Variants in GLIS3 observed in about 807,000 individuals in gnomAD.
GLIS3 encodes the protein GLIS family zinc finger 3, also known as zinc finger protein GLIS3.
In GLIS3, 53 loss-of-function variants were observed where a neutral mutation model predicts 78.6. The observed-to-expected ratio is 0.67, with a 90% CI of 0.54 to 0.85. The LOEUF (loss-of-function observed/expected upper bound fraction) is 0.85, where lower values mean the gene tolerates loss of function less well. Among genes scored for constraint, GLIS3 ranks in the 40% least tolerant of loss-of-function variants. The pLI is 0.00. For missense variants in GLIS3, 1,703 were observed against 1,231.1 expected, an observed-to-expected ratio of 1.38 and a Z score of -5.74; for synonymous variants, 684 against 509.9, an observed-to-expected ratio of 1.34 and a Z score of -4.60.
intron 2 of GLIS3, among the ~76,000 whole-genome samples, chr9:4,196,412 T>C (rs892259165): frequency 5.3e-5 from 8 of 152,228 alleles, no homozygotes; most frequent in African/African-American, 1.4e-4. Context: ...CTTTCCGCAC[T>C]GTGGAAGCTT....
intron 2 of GLIS3, among the ~76,000 whole-genome samples, chr9:4,202,149 T>TC (rs1563747633): frequency 8.0e-4 from 29 of 36,102 alleles, no homozygotes; most frequent in Middle Eastern, 0.021. Flanking sequence ...TCTCCCCCTT[T>TC]TTCTTTTTTT....
At chr9:4,478,590 G>A in the GLIS3 span, among the ~76,000 whole-genome samples, 3 of 149,516 alleles carry the variant, frequency 2.0e-5, no homozygotes, top group Non-Finnish European at 4.4e-5. Context: ...CAGCCTGGGC[G>A]ACAGAGATTC....
At chr9:4,292,398 G>C (rs188933281) in intron 1 of GLIS3, among the ~76,000 whole-genome samples, 7 of 152,210 alleles carry the variant, frequency 4.6e-5, no homozygotes, top group Admixed American at 4.6e-4. Flanking sequence ...ATATATTGTA[G>C]GGTGAGTCAC....
At chr9:4,051,502 A>G (rs935909564) in intron 4 of GLIS3, among the ~76,000 whole-genome samples, 44 of 152,142 alleles carry the variant, frequency 2.9e-4, no homozygotes, top group Non-Finnish European at 1.5e-4. Context: ...TCCACCTCCT[A>G]ATAACTATGT....
chr9:4,057,914 AC>A (rs1330035754), intron 4 of GLIS3, among the ~76,000 whole-genome samples: 1 of 152,198 alleles, frequency 6.6e-6, no homozygotes, highest in Non-Finnish European at 1.5e-5. Context: ...ATGTAAAAAA[AC>A]AAAAAGCCCA....
intron 2 of GLIS3, among the ~76,000 whole-genome samples, chr9:4,238,390 TGA>T (rs1252420747): frequency 2.0e-5 from 3 of 152,212 alleles, no homozygotes; most frequent in Non-Finnish European, 4.4e-5. Flanking sequence ...TATTTGAGAA[TGA>T]GAGAGTCTAC....
the GLIS3 span, among the ~76,000 whole-genome samples, chr9:4,429,164 GAT>G: frequency 6.6e-6 from 1 of 152,216 alleles, no homozygotes; most frequent in African/African-American, 2.4e-5. Context: ...CCTCACTCCA[GAT>G]AGAGTTACCT....
intron 2 of GLIS3, among the ~76,000 whole-genome samples, chr9:4,169,796 G>C (rs1320752989): frequency 6.6e-6 from 1 of 152,174 alleles, no homozygotes; most frequent in Non-Finnish European, 1.5e-5. Context: ...TGGGAAATCT[G>C]GGTAAAGAGT....
At chr9:4,166,864 T>C (rs1454409366) in intron 2 of GLIS3, among the ~76,000 whole-genome samples, 1 of 152,198 alleles carries the variant, frequency 6.6e-6, no homozygotes, top group African/African-American at 2.4e-5. Context: ...CTTCCTCCTC[T>C]TTCCTCTTCC....
chr9:4,135,777 C>T (rs905842299), intron 2 of GLIS3, among the ~76,000 whole-genome samples: 18 of 152,164 alleles, frequency 1.2e-4, no homozygotes. Context: ...AAGTACCCTT[C>T]TCTCCCATCT....
chr9:4,274,086 C>T (rs73643724), intron 2 of GLIS3, among the ~76,000 whole-genome samples: 3,905 of 152,210 alleles, frequency 0.026, 177 homozygotes, highest in African/African-American at 0.089. Flanking sequence ...TTATCCCCCA[C>T]CTTCCAGATG....
the GLIS3 span, among the ~76,000 whole-genome samples, chr9:4,382,513 T>C: frequency 6.6e-6 from 1 of 152,196 alleles, no homozygotes; most frequent in South Asian, 2.1e-4. Flanking sequence ...TCATCTTGCT[T>C]AGTCTGAATT....
chr9:4,480,452 T>C, the GLIS3 span, among the ~76,000 whole-genome samples: 1 of 152,106 alleles, frequency 6.6e-6, no homozygotes, highest in Middle Eastern at 3.2e-3. Flanking sequence ...CCTCCCTTTA[T>C]GGCCTCGCAA....
chr9:3,837,631 A>T (rs1196755246), intron 9 of GLIS3, among the ~76,000 whole-genome samples: 1 of 152,208 alleles, frequency 6.6e-6, no homozygotes, highest in Non-Finnish European at 1.5e-5. Flanking sequence ...ACACGGAGGG[A>T]ATTTCAATTT....
intron 4 of GLIS3, among the ~76,000 whole-genome samples, chr9:4,053,126 T>C (rs997768672): frequency 8.5e-5 from 13 of 152,162 alleles, no homozygotes; most frequent in African/African-American, 3.1e-4. Context: ...TTTTGTATTT[T>C]TTGGTAGAGA....
At chr9:4,169,709 C>G (rs1158657261) in intron 2 of GLIS3, among the ~76,000 whole-genome samples, 1 of 152,092 alleles carries the variant, frequency 6.6e-6, no homozygotes, top group Non-Finnish European at 1.5e-5. Context: ...GGCATCGAGT[C>G]TATAACCTAC....
intron 9 of GLIS3, 22 bp from the exon 10 acceptor site, chr9:3,829,514 G>C: frequency 6.2e-7 from 1 of 1,613,440 alleles, no homozygotes; most frequent in Non-Finnish European, 8.5e-7. Context: ...GCATGGCATT[G>C]AGCACAAGTT....
At chr9:4,372,940 A>G in the GLIS3 span, among the ~76,000 whole-genome samples, 1 of 152,154 alleles carries the variant, frequency 6.6e-6, no homozygotes, top group African/African-American at 2.4e-5. Context: ...AACGGCTGAT[A>G]TTTCTATCTA....
chr9:3,850,063 G>C (rs1819326993), intron 9 of GLIS3, among the ~76,000 whole-genome samples: 1 of 152,194 alleles, frequency 6.6e-6, no homozygotes, highest in South Asian at 2.1e-4. Flanking sequence ...CTAAAATTGG[G>C]TCAGACCACT....
Sources: allele counts gnomAD v4.1 joint callset (sites outside exome capture counted in the v4.1 genomes callset), GRCh38; gene constraint gnomAD v4.1.1; transcripts MANE v1.5; gene names NCBI Gene and HGNC (gene_info 2026-07-23, HGNC 2026-07-21).